The following KCNAB1 variants were observed in gnomAD, a reference collection of about 807,000 sequenced individuals.
KCNAB1 encodes voltage-gated potassium channel subunit beta-1.
A neutral mutation model predicts 64.6 loss-of-function variants in KCNAB1; 35 were observed. The observed-to-expected ratio is 0.54, with a 90% CI of 0.41 to 0.72. KCNAB1 has a LOEUF of 0.72. Ranked by LOEUF, KCNAB1 falls within the 30% of genes least tolerant of loss-of-function variation. The pLI is 0.00. For missense variants in KCNAB1, 401 were observed against 512.9 expected, an observed-to-expected ratio of 0.78 and a Z score of 2.11; for synonymous variants, 177 against 183.8, an observed-to-expected ratio of 0.96 and a Z score of 0.30.
chr3:156,527,349 G>T (rs1056142122), intron 12 of KCNAB1, among the ~76,000 whole-genome samples: 1 of 152,154 alleles, frequency 6.6e-6, no homozygotes, highest in African/African-American at 2.4e-5. Context: ...AAAAGTAGGT[G>T]CTCAGTGAGT....
chr3:156,224,118 C>T (rs1218138208), intron 1 of KCNAB1, among the ~76,000 whole-genome samples: 3 of 152,248 alleles, frequency 2.0e-5, no homozygotes, highest in Admixed American at 2.0e-4. Context: ...GCCGGTGGGC[C>T]AGCACTGCTG....
intron 1 of KCNAB1, among the ~76,000 whole-genome samples, chr3:156,131,891 A>G (rs1714020093): frequency 6.6e-6 from 1 of 152,208 alleles, no homozygotes. Context: ...GACATGGATC[A>G]AGAGAGGAGT....
chr3:156,249,252 T>C (rs891106546), intron 1 of KCNAB1, among the ~76,000 whole-genome samples: 1 of 151,990 alleles, frequency 6.6e-6, no homozygotes, highest in Non-Finnish European at 1.5e-5. Context: ...TGAAAATATC[T>C]ATGGGAAGGG....
chr3:156,536,108 G>A (rs1345017781), intron 13 of KCNAB1, among the ~76,000 whole-genome samples: 1 of 152,200 alleles, frequency 6.6e-6, no homozygotes, highest in Non-Finnish European at 1.5e-5. Context: ...CCACCAGTCA[G>A]AATAAATCTC....
At chr3:156,369,534 G>A (rs1726166634) in intron 1 of KCNAB1, among the ~76,000 whole-genome samples, 1 of 152,222 alleles carries the variant, frequency 6.6e-6, no homozygotes. Context: ...GCGTAGCAAA[G>A]TTGCAAATAT....
At chr3:156,462,732 G>T (rs938284992) in intron 5 of KCNAB1, among the ~76,000 whole-genome samples, 1 of 152,142 alleles carries the variant, frequency 6.6e-6, no homozygotes, top group African/African-American at 2.4e-5. Context: ...AATTATAAAC[G>T]CCTTATTTCA....
intron 1 of KCNAB1, among the ~76,000 whole-genome samples, chr3:156,145,839 AG>A (rs1715005736): frequency 6.6e-6 from 1 of 152,092 alleles, no homozygotes; most frequent in Non-Finnish European, 1.5e-5. Flanking sequence ...CATCAGTCTA[AG>A]TGGGGGAGGG....
At chr3:156,294,631 C>T (rs1010575763) in intron 1 of KCNAB1, among the ~76,000 whole-genome samples, 14 of 151,908 alleles carry the variant, frequency 9.2e-5, no homozygotes, top group East Asian at 1.9e-4. Context: ...GCAGAATATA[C>T]AAAAATAATG....
chr3:156,143,177 AC>A, intron 1 of KCNAB1: 2 of 1,581,870 alleles, frequency 1.3e-6, no homozygotes, highest in Non-Finnish European at 1.7e-6. Flanking sequence ...GGTTTTTGAA[AC>A]ATGCATCTGT....
intron 1 of KCNAB1, among the ~76,000 whole-genome samples, chr3:156,241,604 G>A (rs1199569721): frequency 6.6e-6 from 1 of 152,196 alleles, no homozygotes; most frequent in Non-Finnish European, 1.5e-5. Context: ...TAGAGGGTCT[G>A]TCTCTTGGGT....
intron 1 of KCNAB1, among the ~76,000 whole-genome samples, chr3:156,138,761 C>G (rs1714523508): frequency 6.6e-6 from 1 of 152,172 alleles, no homozygotes; most frequent in African/African-American, 2.4e-5. Context: ...TTACCTAAGT[C>G]TGAGCCAGTA....
intron 1 of KCNAB1, among the ~76,000 whole-genome samples, chr3:156,129,655 A>G (rs1713879284): frequency 6.6e-6 from 1 of 152,252 alleles, no homozygotes; most frequent in Non-Finnish European, 1.5e-5. Context: ...GATAATATCC[A>G]TAAAAGTTTT....
At chr3:156,273,360 C>T (rs1719147428) in intron 1 of KCNAB1, among the ~76,000 whole-genome samples, 1 of 152,338 alleles carries the variant, frequency 6.6e-6, no homozygotes, top group African/African-American at 2.4e-5. Context: ...ACTTTACCCC[C>T]TGGCAGTGAG....
Position 156,537,079 on chromosome 3 carries a change from A to G in KCNAB1, c.*332A>G. ...CATTTGGTAACTCAAAGAAGGCTGT[A>G]CAGATATATTTTTTCAAAAGAACAA... is the stretch of plus-strand genomic sequence containing the variant. On this transcript the variant is annotated 3_prime_UTR_variant, in exon 14 of 14. Transcript: ENST00000490337. 1 of 410,268 alleles carries G rather than the reference A, an allele frequency of 2.4e-6. No individual in the cohort carries two copies. The highest frequency in any genetic ancestry group is 4.3e-6 in the Non-Finnish European group (1 of 233,232). 25.4% of individuals were successfully genotyped at this position (410,268 alleles called of 1,614,324 possible).
intron 1 of KCNAB1, chr3:156,143,090 C>T (rs745617398): frequency 4.5e-5 from 66 of 1,461,660 alleles, no homozygotes; most frequent in Non-Finnish European, 5.9e-5. Context: ...ATACTGAAGC[C>T]AGATAACCCA....
At chr3:156,192,864 T>C (rs1338862442) in intron 1 of KCNAB1, among the ~76,000 whole-genome samples, 1 of 152,078 alleles carries the variant, frequency 6.6e-6, no homozygotes, top group Non-Finnish European at 1.5e-5. Context: ...TTAGTTTTGA[T>C]CTATTTGTGT....
At chr3:156,218,801 A>T (rs7633499) in intron 1 of KCNAB1, among the ~76,000 whole-genome samples, 3,445 of 112,242 alleles carry the variant, frequency 0.031, 70 homozygotes, top group South Asian at 0.055. Context: ...AAAAAAAAAA[A>T]AATAATAATA....
At chr3:156,515,661 G>C (rs1717509683) in intron 10 of KCNAB1, among the ~76,000 whole-genome samples, 1 of 152,066 alleles carries the variant, frequency 6.6e-6, no homozygotes, top group African/African-American at 2.4e-5. Context: ...TATTAAGTCG[G>C]GTACTATACA....
chr3:156,462,854 C>T (rs962693803), intron 5 of KCNAB1, among the ~76,000 whole-genome samples: 3 of 152,140 alleles, frequency 2.0e-5, no homozygotes, highest in Non-Finnish European at 2.9e-5. Context: ...ATCTGCTTCC[C>T]AATTTTATTG....
Sources: gnomAD v4.1 joint callset for allele counts (sites outside exome capture counted in the v4.1 genomes callset) on GRCh38, gnomAD v4.1.1 for gene constraint, MANE v1.5 for transcripts, NCBI Gene and HGNC (gene_info 2026-07-23, HGNC 2026-07-21) for gene names.